PACS2: variants seen among roughly 807,000 people sequenced by gnomAD.
The protein encoded by PACS2 is PACS1-like protein.
PACS2 carries 36 observed loss-of-function variants against 113.0 expected under a neutral mutation model. The ratio of observed to expected loss-of-function variants is 0.32; its 90% CI spans 0.24 to 0.42. The LOEUF (loss-of-function observed/expected upper bound fraction) is 0.42. PACS2 is among the 10% of genes least tolerant of loss of function. PACS2 has a pLI of 1.00. For missense variants in PACS2, 1,015 were observed against 1,239.5 expected (o/e 0.82, Z 2.72); for synonymous variants, 589 against 536.1 (o/e 1.10, Z -1.36).
At chr14:105,367,877 A>T (rs951868914) in intron 5 of PACS2, among the ~76,000 whole-genome samples, 197 bp from the exon 6 acceptor site, 35 of 152,024 alleles carry the variant, frequency 2.3e-4, no homozygotes, top group African/African-American at 8.2e-4. Flanking sequence ...GCCAACCCCG[A>T]CCTGGACCGT....
rs1380060665 is a variant in PACS2 at position 105,357,045 on chromosome 14, C to T, written c.423+1868C>T. Among the ~76,000 whole-genome samples the T allele has an allele frequency of 6.6e-6, 1 of 152,162 alleles. No individual in the cohort carries two copies. The highest frequency in any genetic ancestry group is 1.5e-5 in the Non-Finnish European group (1 of 68,010). ...CAGGTGATGTCCTGCTGATCCCTGC[C>T]GGTCCCTGTGAGCTCCTGCCCCAGG... is the stretch of plus-strand genomic sequence containing the variant. On this transcript the variant is annotated intron_variant, in intron 4 of 24. Coordinates refer to ENST00000447393, the MANE Select transcript of PACS2 (RefSeq NM_001100913.3). The surrounding 1 kb of genome is among the most constrained non-coding windows in gnomAD (Gnocchi z 5.1).
At chr14:105,310,074 G>A (rs1185264457), upstream of PACS2, among the ~76,000 whole-genome samples, 18 of 151,646 alleles carry the variant, frequency 1.2e-4, no homozygotes, top group Non-Finnish European at 1.9e-4. Flanking sequence ...ATGAGCCACC[G>A]CACCCAGCCA....
At chr14:105,384,553 T>G (rs1368836270) in intron 17 of PACS2, 90 bp downstream of exon 17, 4 of 787,038 alleles carry the variant, frequency 5.1e-6, no homozygotes, top group Non-Finnish European at 8.4e-6. Context: ...GCCCTGCACC[T>G]GCTCAGGCTC....
At chr14:105,351,630 G>C (rs779192950) in intron 2 of PACS2, among the ~76,000 whole-genome samples, 4 of 152,176 alleles carry the variant, frequency 2.6e-5, no homozygotes, top group Admixed American at 6.5e-5. Flanking sequence ...TTGAACTCAG[G>C]AGTTGGAGAC....
At position 105,333,285 on chromosome 14, in the gene PACS2, GC is replaced by G. The variant is rs369833011; in HGVS notation, c.120-15207del. The stretch of plus-strand genomic sequence containing the variant: ...TGCCCACAGCCGTGCCCTGTGCAGA[GC>G]AGGTGCTGGTTCTGCCCTCCCCTGG... On this transcript the variant is annotated intron_variant, in intron 1 of 24. Transcript: ENST00000447393. Among the ~76,000 whole-genome samples the G allele has an allele frequency of 1.6e-4, 24 of 152,340 alleles. 1 individual carries two copies. The highest frequency in any genetic ancestry group is 5.8e-4 in the African/African-American group (24 of 41,586).
intron 1 of PACS2, among the ~76,000 whole-genome samples, chr14:105,320,862 A>C (rs992999226): frequency 6.6e-6 from 1 of 152,210 alleles, no homozygotes; most frequent in Non-Finnish European, 1.5e-5. Context: ...CTTATAAAAT[A>C]ACCTGACTGG....
chr14:105,389,589 G>A, intron 19 of PACS2: 2 of 265,318 alleles, frequency 7.5e-6, no homozygotes, highest in South Asian at 1.1e-4. Flanking sequence ...GTGGGGAAGT[G>A]GAAATGCAAG....
intron 3 of PACS2, among the ~76,000 whole-genome samples, chr14:105,353,090 GCC>G (rs587623413): frequency 8.9e-6 from 1 of 112,570 alleles, no homozygotes. Context: ...GGGGTGACAG[GCC>G]CCCCCCATCA....
intron 4 of PACS2, among the ~76,000 whole-genome samples, chr14:105,361,482 C>A (rs1421559635): frequency 6.6e-6 from 1 of 151,984 alleles, no homozygotes; most frequent in African/African-American, 2.4e-5. Flanking sequence ...ACTAAAAGTA[C>A]AACAATTAGC....
rs587667350 is a variant in PACS2, at chr14:105,348,324, T to C, written c.120-169T>C. Among the ~76,000 whole-genome samples the C allele has an allele frequency of 6.6e-6, 1 of 152,076 alleles. No homozygotes were observed. The highest frequency in any genetic ancestry group is 2.1e-4 in the South Asian group (1 of 4,832). On this transcript the variant is annotated intron_variant, in intron 1 of 24. Coordinates refer to ENST00000447393, the MANE Select transcript of PACS2 (RefSeq NM_001100913.3). The surrounding 1 kb of genome is among the most constrained non-coding windows in gnomAD (Gnocchi z 6.4). The stretch of plus-strand genomic sequence containing the variant: ...GGTGCCCACCATGTGCAGGGACAGC[T>C]GGGGTGATGTCTTGGAGCCCTGTGA...
At chr14:105,327,214 G>C (rs2059147239) in intron 1 of PACS2, among the ~76,000 whole-genome samples, 1 of 152,226 alleles carries the variant, frequency 6.6e-6, no homozygotes, top group Admixed American at 6.5e-5. Flanking sequence ...TGGCCACACA[G>C]AGCGAGCCTC....
intron 9 of PACS2, among the ~76,000 whole-genome samples, chr14:105,378,646 A>G (rs1015980380): frequency 7.2e-5 from 11 of 152,106 alleles, no homozygotes; most frequent in South Asian, 2.1e-4. Context: ...GCTCAAGCGA[A>G]CCACCTGCCT....
chr14:105,311,502 G>A (rs1018466266), upstream of PACS2, among the ~76,000 whole-genome samples: 1 of 151,998 alleles, frequency 6.6e-6, no homozygotes, highest in African/African-American at 2.4e-5. Context: ...GGATCTGTGC[G>A]CTTTGGCCTC....
chr14:105,313,056 C>T (rs1397165679), upstream of PACS2, among the ~76,000 whole-genome samples: 1 of 152,174 alleles, frequency 6.6e-6, no homozygotes, highest in African/African-American at 2.4e-5. Flanking sequence ...GGAGGGGCAC[C>T]GCTCAATGGT....
At chr14:105,385,290 C>T (rs2081136692) in intron 18 of PACS2, among the ~76,000 whole-genome samples, 1 of 152,230 alleles carries the variant, frequency 6.6e-6, no homozygotes, top group Non-Finnish European at 1.5e-5. Flanking sequence ...TGGCCCAGCC[C>T]CTCCAGTCTG....
intron 1 of PACS2, among the ~76,000 whole-genome samples, chr14:105,301,433 A>AG (rs587687991): frequency 1.1e-3 from 112 of 101,962 alleles, no homozygotes; most frequent in Middle Eastern, 5.4e-3. Flanking sequence ...GCTTGAGGCG[A>AG]GGGGGCCGAG....
rs1051150233 is a variant in PACS2, at chr14:105,356,988, T to C, written c.423+1811T>C. 4.6e-5 allele frequency among the ~76,000 whole-genome samples: 7 copies of C among 151,384 alleles called. No individual in the cohort carries two copies. Among genetic ancestry groups the C allele is most frequent in the African/African-American group, 1.7e-4 (7 of 41,034 alleles). On this transcript the variant is annotated intron_variant, in intron 4 of 24. Coordinates refer to ENST00000447393, the MANE Select transcript of PACS2 (RefSeq NM_001100913.3). The surrounding 1 kb of genome is among the most constrained non-coding windows in gnomAD (Gnocchi z 4.0). ...CCCATTAGCCATGCAGGCGATGTCC[T>C]GCTGATCCCTGCTGGTCCCTGTGTA...
At chr14:105,311,095 G>C (rs891770943), upstream of PACS2, among the ~76,000 whole-genome samples, 48 of 152,078 alleles carry the variant, frequency 3.2e-4, no homozygotes, top group African/African-American at 1.1e-3. Context: ...TGGGATTACA[G>C]GCGCGCACCA....
In PACS2 at chr14:105,391,228, G is replaced by C; in HGVS notation, c.2098G>C (p.Glu700Gln). ...FVGVVKVGIVEPSSATSGDSD... is the reference protein window; with the variant it reads ...FVGVVKVGIVQPSSATSGDSD... ...CTAGGTTGTGAAGGTTGGAATTGTG[G>C]AGCCATCCTCGGCCACATCAGGTAA... Residue 700 changes from glutamate to glutamine, a missense_variant, in exon 21 of 25, where the codon GAG becomes CAG. By Grantham distance (29) the Glu-to-Gln change is conservative. Coordinates refer to ENST00000447393, the MANE Select transcript of PACS2 (RefSeq NM_001100913.3). 6.2e-7 allele frequency: 1 copy of C among 1,613,406 alleles called. No individual in the cohort carries two copies. The highest frequency in any genetic ancestry group is 8.5e-7 in the Non-Finnish European group (1 of 1,179,574).
Sources: gnomAD v4.1 joint callset for allele counts (sites outside exome capture counted in the v4.1 genomes callset) on GRCh38, gnomAD v4.1.1 for gene constraint, Gnocchi (gnomAD v3.1) non-coding constraint, MANE v1.5 for transcripts, NCBI Gene and HGNC (gene_info 2026-07-23, HGNC 2026-07-21) for gene names.